BIN2: variants seen among roughly 807,000 people sequenced by gnomAD.
BIN2 encodes the protein bridging integrator 2, also known as breast cancer associated protein BRAP1.
In BIN2, 43 loss-of-function variants were observed where a neutral mutation model predicts 67.9. The observed-to-expected ratio is 0.63, with a 90% confidence interval of 0.50 to 0.82. The LOEUF (loss-of-function observed/expected upper bound fraction) is 0.82. Ranked by LOEUF, BIN2 falls within the 40% of genes least tolerant of loss-of-function variation. BIN2 has a pLI of 0.00. For missense variants in BIN2, 581 were observed against 671.6 expected (o/e 0.87, Z 1.49); for synonymous variants, 244 against 246.8 (o/e 0.99, Z 0.11).
intron 9 of BIN2, among the ~76,000 whole-genome samples, chr12:51,293,315 T>A (rs1035377704): frequency 8.2e-4 from 125 of 152,206 alleles, no homozygotes; most frequent in African/African-American, 2.3e-3. Context: ...TTATTTATTT[T>A]TTTATTTTTT....
intron 8 of BIN2, among the ~76,000 whole-genome samples, chr12:51,296,729 A>G (rs114236571): frequency 9.9e-4 from 150 of 152,174 alleles, no homozygotes; most frequent in African/African-American, 3.5e-3. Context: ...CACCTGAGAA[A>G]CTGACTTGTC....
chr12:51,285,616 TTC>T (rs1385623196), intron 11 of BIN2, among the ~76,000 whole-genome samples: 1 of 128,960 alleles, frequency 7.8e-6, no homozygotes, highest in Non-Finnish European at 1.6e-5. Context: ...TTTTAATTTT[TTC>T]TTTCTTTCTT....
chr12:51,296,050 C>G (rs777639134), intron 8 of BIN2, among the ~76,000 whole-genome samples, 172 bp from the exon 9 acceptor site: 5 of 152,072 alleles, frequency 3.3e-5, no homozygotes, highest in Non-Finnish European at 7.4e-5. Context: ...TGTCCCGCCA[C>G]CCCCTCTTCC....
chr12:51,315,233 T>A (rs907024030), intron 1 of BIN2, among the ~76,000 whole-genome samples: 11 of 151,808 alleles, frequency 7.2e-5, no homozygotes, highest in African/African-American at 2.4e-4. Flanking sequence ...GCAGTGGCAC[T>A]ATCTCGGCTC....
intron 7 of BIN2, 111 bp downstream of exon 7, chr12:51,299,092 G>A (rs866030386): frequency 4.4e-6 from 3 of 686,624 alleles, no homozygotes; most frequent in Non-Finnish European, 4.8e-6. Flanking sequence ...AAAAAAAGGG[G>A]GCGGGGCAGT....
At chr12:51,305,334 T>C (rs1372168792) in intron 2 of BIN2, among the ~76,000 whole-genome samples, 2 of 140,746 alleles carry the variant, frequency 1.4e-5, no homozygotes, top group Non-Finnish European at 3.1e-5. Context: ...AAATAAAAAA[T>C]TATGGGAAAG....
rs747788403 is a variant in BIN2, at chr12:51,293,813, G to T, written c.762-1469C>A. Among the ~76,000 whole-genome samples the T allele has an allele frequency of 3.3e-5, 5 of 152,150 alleles. 1 individual carries two copies. The South Asian group carries it at 1.0e-3, about 31-fold the overall frequency. ...TTTATACTCATGAGCTTGTAAGAAT[G>T]AATAAGTCTGACAATTTCACATGTA... is the stretch of plus-strand genomic sequence containing the variant. On this transcript the variant is annotated intron_variant, in intron 9 of 12. Transcript: ENST00000615107.
chr12:51,298,303 T>C (rs1265306890), intron 7 of BIN2, among the ~76,000 whole-genome samples: 2 of 150,698 alleles, frequency 1.3e-5, no homozygotes, highest in African/African-American at 2.4e-5. Flanking sequence ...ATCCGGGAGG[T>C]GGAGGTTGCA....
rs1388437044 is a variant in BIN2 at position 51,292,180 on chromosome 12, T to C, written c.926A>G (p.Asn309Ser). The C allele has an allele frequency of 2.5e-6, 4 of 1,613,556 alleles. No individual in the cohort carries two copies. Among genetic ancestry groups the C allele is most frequent in the South Asian group, 1.1e-5 (1 of 91,080 alleles). The change falls in exon 10 of 13, where the codon AAT becomes AGT. Residue 309 changes from asparagine (N) to serine (S), a missense_variant. Asn to Ser is a conservative substitution (Grantham distance 46). Coordinates refer to ENST00000615107, the MANE Select transcript of BIN2 (RefSeq NM_016293.4). ...TTCTAAGAGCTCCTTGATCTCAGAA[T>C]TGTCTTCCCCTTGGGCTGCATCAGG... ...LAPDAAQGED[N>S]SEIKELLEEE...
At chr12:51,305,041 A>T (rs1945832571) in intron 2 of BIN2, among the ~76,000 whole-genome samples, 1 of 150,918 alleles carries the variant, frequency 6.6e-6, no homozygotes, top group African/African-American at 2.4e-5. Flanking sequence ...AAACAAAAGT[A>T]TAAAAAAGTA....
intron 1 of BIN2, among the ~76,000 whole-genome samples, chr12:51,321,398 CTT>C (rs920229260): frequency 4.0e-5 from 6 of 151,852 alleles, no homozygotes; most frequent in African/African-American, 1.2e-4. Flanking sequence ...GAGAGAATCA[CTT>C]TGTCTTTTTT....
upstream of BIN2, chr12:51,324,286 G>C: frequency 7.2e-7 from 1 of 1,395,998 alleles, no homozygotes; most frequent in Non-Finnish European, 9.3e-7. Flanking sequence ...GGAGCAGGCC[G>C]GCTCGGAGGG....
chr12:51,319,051 G>A (rs1946201502), intron 1 of BIN2, among the ~76,000 whole-genome samples: 1 of 152,158 alleles, frequency 6.6e-6, no homozygotes, highest in South Asian at 2.1e-4. Context: ...CCAGAAAGTT[G>A]CAAAACCACC....
At chr12:51,297,000 G>T in intron 8 of BIN2, 89 bp downstream of exon 8, 1 of 1,225,804 alleles carries the variant, frequency 8.2e-7, no homozygotes, top group Non-Finnish European at 1.2e-6. Context: ...TGCCAATACG[G>T]ATATTTAAAG....
intron 1 of BIN2, among the ~76,000 whole-genome samples, chr12:51,322,159 T>C (rs146887526): frequency 6.6e-6 from 1 of 152,340 alleles, no homozygotes; most frequent in East Asian, 1.9e-4. Flanking sequence ...CTGAGTCTAA[T>C]GTGACAGCTT....
intron 2 of BIN2, chr12:51,304,048 C>T (rs1271504626): frequency 6.6e-6 from 1 of 152,172 alleles, no homozygotes; most frequent in Non-Finnish European, 1.5e-5. Context: ...AGTTCGAGAC[C>T]AGCCTGGTCA....
chr12:51,305,826 CTTTTTTTTTTTTT>C (rs1168899685), intron 2 of BIN2, among the ~76,000 whole-genome samples: 3 of 82,412 alleles, frequency 3.6e-5, no homozygotes, highest in African/African-American at 1.4e-4. Context: ...TGTTTTCTTT[CTTTTTTTTTTTTT>C]TTTTTTTTTT....
chr12:51,319,851 C>CAA (rs1946221374), intron 1 of BIN2, among the ~76,000 whole-genome samples: 1 of 152,114 alleles, frequency 6.6e-6, no homozygotes, highest in Non-Finnish European at 1.5e-5. Context: ...TTAATTCCCT[C>CAA]AATTGGGGTA....
chr12:51,307,142 G>C (rs1162646208), intron 2 of BIN2, among the ~76,000 whole-genome samples: 1 of 151,806 alleles, frequency 6.6e-6, no homozygotes, highest in Non-Finnish European at 1.5e-5. Context: ...AATTAGCTGG[G>C]TGTGGTGGCA....
Sources: gnomAD v4.1 joint callset for allele counts (sites outside exome capture counted in the v4.1 genomes callset) on GRCh38, gnomAD v4.1.1 for gene constraint, MANE v1.5 for transcripts, NCBI Gene and HGNC (gene_info 2026-07-23, HGNC 2026-07-21) for gene names.